EPHA3: variants seen among roughly 807,000 people sequenced by gnomAD.
The protein encoded by EPHA3 is EPH receptor A3, also known as ephrin type-A receptor 3.
In EPHA3, 42 loss-of-function variants were observed where a neutral mutation model predicts 107.1. That is an observed-to-expected ratio of 0.39 (90% confidence interval 0.31 to 0.51). The LOEUF is 0.51. EPHA3 is among the 20% of genes least tolerant of loss of function. The probability of loss-of-function intolerance (pLI) is 0.78; values close to 1 mark genes in which losing one functional copy is unlikely to be tolerated. For missense variants in EPHA3, 1,183 were observed against 1,211.2 expected, an observed-to-expected ratio of 0.98 and a Z score of 0.35; for synonymous variants, 461 against 424.8, an observed-to-expected ratio of 1.09 and a Z score of -1.05.
chr3:89,107,908 A>C, intron 1 of EPHA3, 72 bp downstream of exon 1: 1 of 1,472,178 alleles, frequency 6.8e-7, no homozygotes, highest in Non-Finnish European at 9.5e-7. Flanking sequence ...GTTCTCACCG[A>C]AGCCTTGCAC....
At chr3:89,218,494 C>A (rs1225972513) in intron 3 of EPHA3, among the ~76,000 whole-genome samples, 2 of 151,978 alleles carry the variant, frequency 1.3e-5, no homozygotes, top group African/African-American at 4.8e-5. Context: ...GCATAGTATT[C>A]CATGGTGTAT....
chr3:89,414,955 A>T (rs1322114676), intron 10 of EPHA3, among the ~76,000 whole-genome samples: 1 of 151,592 alleles, frequency 6.6e-6, no homozygotes, highest in Non-Finnish European at 1.5e-5. Flanking sequence ...GCCCATGTTC[A>T]GGGTTTTGCA....
chr3:89,187,672 A>G (rs1192900793), intron 2 of EPHA3, among the ~76,000 whole-genome samples: 4 of 152,104 alleles, frequency 2.6e-5, no homozygotes, highest in Non-Finnish European at 5.9e-5. Flanking sequence ...TAAATACTGT[A>G]GAAAATATTT....
rs548794805 is a variant in EPHA3 at position 89,417,678 on chromosome 3, C to T, written c.1889-1527C>T. Among the ~76,000 whole-genome samples, 211 of 151,452 alleles carry T rather than the reference C, an allele frequency of 1.4e-3. 1 individual carries two copies. Among genetic ancestry groups the T allele is most frequent in the Middle Eastern group, 6.8e-3 (2 of 294 alleles). ...CTTTCTCAAGTTCTACTCCCTGATT[C>T]TTTCTGTATCCTAAGGAACACTATA... On this transcript the variant is annotated intron_variant, in intron 10 of 16. Coordinates refer to ENST00000336596, the MANE Select transcript of EPHA3 (RefSeq NM_005233.6).
At chr3:89,280,524 G>T (rs1221127558) in intron 3 of EPHA3, among the ~76,000 whole-genome samples, 2 of 152,162 alleles carry the variant, frequency 1.3e-5, no homozygotes, top group Non-Finnish European at 2.9e-5. Context: ...TTAGTGCTGA[G>T]TGAACTATTC....
chr3:89,340,801 G>GA (rs1707500759), intron 3 of EPHA3, 115 bp from the exon 4 acceptor site: 3 of 1,155,726 alleles, frequency 2.6e-6, no homozygotes, highest in African/African-American at 1.6e-5. Flanking sequence ...ATTCTTGGAG[G>GA]AAAAAACTTG....
At position 89,413,270 on chromosome 3, in the gene EPHA3, A is replaced by T; in HGVS notation, c.1888+4A>T. ...ATTGATAAAGTTGTTGGAGCAGGTA[A>T]CCACAATGACCCTACTGCCAACTTA... is the stretch of plus-strand genomic sequence containing the variant. On this transcript the variant is annotated splice_donor_region_variant and intron_variant, in intron 10 of 16. Transcript: ENST00000336596. 3.1e-6 allele frequency: 5 copies of T among 1,611,372 alleles called. No homozygotes were observed. Among genetic ancestry groups the T allele is most frequent in the Non-Finnish European group, 4.2e-6 (5 of 1,178,030 alleles).
rs2106945742 is a variant in EPHA3, at chr3:89,114,277, C to T, written c.88+6441C>T. Among the ~76,000 whole-genome samples the T allele has an allele frequency of 1.3e-5, 2 of 152,220 alleles. 1 individual carries two copies. The highest frequency in any genetic ancestry group is 4.1e-4 in the South Asian group (2 of 4,826). ...GCGAAATTTTAGCACAAAGCAGAGC[C>T]GTACGGGTAGAGACAGTAATGTGGC... On this transcript the variant is annotated intron_variant, in intron 1 of 16. Transcript: ENST00000336596.
chr3:89,244,105 A>G (rs1426848557), intron 3 of EPHA3, among the ~76,000 whole-genome samples: 2 of 152,134 alleles, frequency 1.3e-5, no homozygotes, highest in Non-Finnish European at 2.9e-5. Context: ...ATCATTTTAC[A>G]TTTGTGTAAT....
chr3:89,164,495 C>A (rs1264475652), intron 2 of EPHA3, among the ~76,000 whole-genome samples: 1 of 152,126 alleles, frequency 6.6e-6, no homozygotes, highest in African/African-American at 2.4e-5. Context: ...CTGTGTCACA[C>A]CTGACATCTG....
intron 2 of EPHA3, among the ~76,000 whole-genome samples, chr3:89,175,172 C>CTTTTTA (rs1478258203): frequency 6.6e-6 from 1 of 151,524 alleles, no homozygotes; most frequent in African/African-American, 2.4e-5. Flanking sequence ...AAAATAGGCC[C>CTTTTTA]TTTTTATTTG....
intron 2 of EPHA3, among the ~76,000 whole-genome samples, chr3:89,135,507 G>T (rs982146759): frequency 3.3e-5 from 5 of 151,882 alleles, no homozygotes; most frequent in African/African-American, 1.2e-4. Context: ...AGCTAACAAC[G>T]ATTTTTGTTT....
At chr3:89,416,042 G>A (rs1559687857) in intron 10 of EPHA3, among the ~76,000 whole-genome samples, 1 of 151,394 alleles carries the variant, frequency 6.6e-6, no homozygotes, top group Non-Finnish European at 1.5e-5. Flanking sequence ...TGTTCAATAT[G>A]TGTTTTTATT....
chr3:89,407,509 CTCTT>C (rs1709078379), intron 8 of EPHA3, 138 bp downstream of exon 8: 2 of 654,224 alleles, frequency 3.1e-6, no homozygotes, highest in Non-Finnish European at 2.6e-6. Context: ...TTTAGGTCCT[CTCTT>C]TCTCCTCCTT....
In EPHA3 at chr3:89,303,009, C is replaced by G. The variant is rs548381411; in HGVS notation, c.815-37907C>G. ...CTGAGCTCAAGTGATCCTTCTACTTCAGCTTCCCGGGTACCTGGGATTACT... is the reference window on the plus strand; with the variant it reads ...CTGAGCTCAAGTGATCCTTCTACTTGAGCTTCCCGGGTACCTGGGATTACT... On this transcript the variant is annotated intron_variant, in intron 3 of 16. Coordinates refer to ENST00000336596, the MANE Select transcript of EPHA3 (RefSeq NM_005233.6). Among the ~76,000 whole-genome samples, 4 of 152,220 alleles carry G rather than the reference C, an allele frequency of 2.6e-5. No individual in the cohort carries two copies. In the East Asian group the frequency reaches 7.8e-4, roughly 29 times the overall value.
intron 2 of EPHA3, among the ~76,000 whole-genome samples, chr3:89,144,405 A>G (rs1296224708): frequency 6.6e-6 from 1 of 151,680 alleles, no homozygotes; most frequent in Non-Finnish European, 1.5e-5. Flanking sequence ...AGTTCTACAC[A>G]TGCCATTTTG....
intron 1 of EPHA3, among the ~76,000 whole-genome samples, chr3:89,110,020 A>G (rs1210525989): frequency 6.6e-6 from 1 of 152,024 alleles, no homozygotes; most frequent in African/African-American, 2.4e-5. Context: ...AATGCCAAGT[A>G]TGTGCCAAGA....
chr3:89,194,564 C>A (rs1705791702), intron 2 of EPHA3, among the ~76,000 whole-genome samples: 1 of 152,022 alleles, frequency 6.6e-6, no homozygotes, highest in African/African-American at 2.4e-5. Flanking sequence ...GAATATTTTT[C>A]TATTCAATAA....
Position 89,481,806 on chromosome 3 carries a change from G to A in EPHA3, c.*2304G>A, listed in dbSNP as rs73139148. The A allele has an allele frequency of 0.2, 45,281 of 231,616 alleles. 5,300 individuals carry two copies. Among genetic ancestry groups the A allele is most frequent in the Non-Finnish European group, 0.25 (29,074 of 116,850 alleles). The allele number at this position is 231,616 out of a possible 1,614,324, so 14.3% of individuals were successfully genotyped here. On this transcript the variant is annotated 3_prime_UTR_variant, in exon 17 of 17. Transcript: ENST00000336596. ...ATGCTTACGGCCATCTCTTTGTACA[G>A]GAACTGCATTGACTTTCAGTAAACA...
Sources: gnomAD v4.1 joint callset for allele counts (sites outside exome capture counted in the v4.1 genomes callset) on GRCh38, gnomAD v4.1.1 for gene constraint, MANE v1.5 for transcripts, NCBI Gene and HGNC (gene_info 2026-07-23, HGNC 2026-07-21) for gene names.